The following IQCJ variants were observed in gnomAD, a reference collection of about 807,000 sequenced individuals.
IQCJ encodes IQ motif containing J, also known as IQ domain-containing protein J.
Under a neutral mutation model 11.0 loss-of-function variants are expected in IQCJ, and 9 were observed. That is an observed-to-expected ratio of 0.82 (90% CI 0.49 to 1.43). The LOEUF is 1.43. IQCJ is among the 40% of genes most tolerant of loss of function. The pLI is 0.00. For missense variants in IQCJ, 146 were observed against 133.2 expected, an observed-to-expected ratio of 1.10 and a Z score of -0.47; for synonymous variants, 55 against 51.3, an observed-to-expected ratio of 1.07 and a Z score of -0.31.
At chr3:159,126,344 G>T (rs1719677854) in intron 1 of IQCJ, among the ~76,000 whole-genome samples, 1 of 152,188 alleles carries the variant, frequency 6.6e-6, no homozygotes. Context: ...GAATATTTAA[G>T]TACCCAGCTC....
chr3:159,104,023 T>C (rs1422180823), intron 1 of IQCJ, among the ~76,000 whole-genome samples: 1 of 152,252 alleles, frequency 6.6e-6, no homozygotes, highest in Non-Finnish European at 1.5e-5. Context: ...CTTCTTGGCC[T>C]ATAGGCCTCA....
At chr3:159,160,635 A>C in intron 1 of IQCJ, among the ~76,000 whole-genome samples, 1 of 150,830 alleles carries the variant, frequency 6.6e-6, no homozygotes, top group African/African-American at 2.4e-5. Context: ...GCACCCATTA[A>C]CTCGTCATTT....
At chr3:159,126,116 T>C (rs543034540) in intron 1 of IQCJ, among the ~76,000 whole-genome samples, 1 of 152,200 alleles carries the variant, frequency 6.6e-6, no homozygotes, top group Non-Finnish European at 1.5e-5. Context: ...TTATGAAACT[T>C]TCTCTGATCC....
At chr3:159,187,310 T>G (rs1322407182) in intron 1 of IQCJ, among the ~76,000 whole-genome samples, 2 of 152,214 alleles carry the variant, frequency 1.3e-5, no homozygotes, top group African/African-American at 4.8e-5. Context: ...GGCCTTGGAC[T>G]TTTGACCTCT....
chr3:159,207,215 G>A (rs1417102842), intron 1 of IQCJ, among the ~76,000 whole-genome samples: 1 of 152,158 alleles, frequency 6.6e-6, no homozygotes, highest in East Asian at 1.9e-4. Flanking sequence ...TCTATTTACA[G>A]CCCCTATTTT....
intron 1 of IQCJ, among the ~76,000 whole-genome samples, chr3:159,070,660 G>A (rs1048658045): frequency 6.6e-6 from 1 of 152,124 alleles, no homozygotes; most frequent in East Asian, 1.9e-4. Context: ...ACTAATTTTT[G>A]TAAAGAAGAG....
At position 159,254,154 on chromosome 3, in the gene IQCJ, A is replaced by T. The variant is rs551793160; in HGVS notation, c.155+1347A>T. 7.2e-5 allele frequency among the ~76,000 whole-genome samples: 11 copies of T among 152,358 alleles called. No homozygotes were observed. In the South Asian group the frequency reaches 2.1e-3, roughly 29 times the overall value. ...CTTTATCATTAGGAATTTTCTCATT[A>T]AGATAAGGTCCTGTTAAATGAAAAT... is the stretch of plus-strand genomic sequence containing the variant. On this transcript the variant is annotated intron_variant, in intron 3 of 3. Coordinates refer to ENST00000397832, the MANE Select transcript of IQCJ (RefSeq NM_001042706.3).
At chr3:159,202,537 A>G (rs1724411495) in intron 1 of IQCJ, among the ~76,000 whole-genome samples, 1 of 152,152 alleles carries the variant, frequency 6.6e-6, no homozygotes, top group Non-Finnish European at 1.5e-5. Context: ...GAAGCAGATA[A>G]GGATATAGCG....
chr3:159,077,188 G>A lies in IQCJ; in HGVS notation c.9+7747G>A, dbSNP rs555544541. Among the ~76,000 whole-genome samples the A allele has an allele frequency of 4.6e-5, 7 of 152,168 alleles. No individual in the cohort carries two copies. In the East Asian group the frequency reaches 1.4e-3, roughly 30 times the overall value. ...GATAGTATCCATCTTAGTTTAATAG[G>A]TTCTCATATCATCTATACCCATTGT... On this transcript the variant is annotated intron_variant, in intron 1 of 3. Coordinates refer to ENST00000397832, the MANE Select transcript of IQCJ (RefSeq NM_001042706.3).
chr3:159,145,574 C>CT (rs34505741), intron 1 of IQCJ, among the ~76,000 whole-genome samples: 175 of 146,660 alleles, frequency 1.2e-3, no homozygotes, highest in Middle Eastern at 0.011. Context: ...CTTTAGTATG[C>CT]TTTTTTTTTT....
At chr3:159,160,671 A>C (rs4355325) in intron 1 of IQCJ, among the ~76,000 whole-genome samples, 58,484 of 141,478 alleles carry the variant, frequency 0.41, 12,780 homozygotes, top group South Asian at 0.57. Context: ...TCCTAAAGCT[A>C]TCCCTTCCCC....
chr3:159,113,976 T>C (rs1718793209), intron 1 of IQCJ, among the ~76,000 whole-genome samples: 1 of 152,202 alleles, frequency 6.6e-6, no homozygotes, highest in Non-Finnish European at 1.5e-5. Context: ...TAGTGGATTA[T>C]TCCTTTCAGC....
chr3:159,254,701 C>A (rs900511595), intron 3 of IQCJ, among the ~76,000 whole-genome samples: 1 of 152,102 alleles, frequency 6.6e-6, no homozygotes, highest in African/African-American at 2.4e-5. Context: ...ATCTCCCCTT[C>A]TCTCCTCCTT....
chr3:159,262,537 T>C lies in IQCJ; in HGVS notation c.156-11T>C. The C allele has an allele frequency of 6.2e-7, 1 of 1,611,016 alleles. No homozygotes were observed. The highest frequency in any genetic ancestry group is 2.2e-5 in the East Asian group (1 of 44,810). On this transcript the variant is annotated splice_polypyrimidine_tract_variant and intron_variant, in intron 3 of 3. Coordinates refer to ENST00000397832, the MANE Select transcript of IQCJ (RefSeq NM_001042706.3). ...GTGTGTGCTGTTTTTTGTTTTGTTT[T>C]GTTTTTTCAGCATTCAGCGAGCATG...
chr3:159,250,994 A>G (rs916332881), intron 2 of IQCJ, among the ~76,000 whole-genome samples: 2 of 152,198 alleles, frequency 1.3e-5, no homozygotes, highest in Non-Finnish European at 2.9e-5. Context: ...CCTGCCACAC[A>G]AGAGACATTA....
chr3:159,130,716 T>C (rs1238805796), intron 1 of IQCJ, among the ~76,000 whole-genome samples: 6 of 152,330 alleles, frequency 3.9e-5, no homozygotes, highest in South Asian at 2.1e-4. Context: ...CAGGGTCAGA[T>C]ACAAAGGTGA....
At chr3:159,175,376 T>C (rs1041111737) in intron 1 of IQCJ, among the ~76,000 whole-genome samples, 3 of 152,024 alleles carry the variant, frequency 2.0e-5, no homozygotes, top group African/African-American at 7.2e-5. Flanking sequence ...GAAGCTGAAG[T>C]GGGAGGATCA....
chr3:159,092,241 C>T (rs1178325473), intron 1 of IQCJ, among the ~76,000 whole-genome samples: 1 of 151,908 alleles, frequency 6.6e-6, no homozygotes, highest in East Asian at 1.9e-4. Context: ...CACAAGGATA[C>T]AGTCAGACAA....
chr3:159,255,205 G>A (rs1215124734), intron 3 of IQCJ, among the ~76,000 whole-genome samples: 1 of 152,144 alleles, frequency 6.6e-6, no homozygotes, highest in East Asian at 1.9e-4. Flanking sequence ...ATCTTCTCCT[G>A]GGGGTGGAGG....
Sources: allele counts gnomAD v4.1 joint callset (sites outside exome capture counted in the v4.1 genomes callset), GRCh38; gene constraint gnomAD v4.1.1; transcripts MANE v1.5; gene names NCBI Gene and HGNC (gene_info 2026-07-23, HGNC 2026-07-21).